IDE: variants seen among roughly 807,000 people sequenced by gnomAD.
IDE encodes the protein insulin degrading enzyme.
IDE carries 58 observed loss-of-function variants against 133.2 expected under a neutral mutation model. That is an observed-to-expected ratio of 0.44 (90% CI 0.35 to 0.54). The LOEUF (loss-of-function observed/expected upper bound fraction) is 0.54. Among genes scored for constraint, IDE ranks in the 20% least tolerant of loss-of-function variants. The probability of loss-of-function intolerance (pLI) is 0.00; values close to 1 mark genes in which losing one functional copy is unlikely to be tolerated. For synonymous variants in IDE, 396 were observed against 421.3 expected (o/e 0.94, Z 0.73); for missense variants, 981 against 1,234.0 (o/e 0.79, Z 3.07).
At chr10:92,494,370 G>GT (rs552537353) in intron 11 of IDE, among the ~76,000 whole-genome samples, 5,876 of 138,354 alleles carry the variant, frequency 0.042, 142 homozygotes, top group Admixed American at 0.068. Context: ...GCCCAGCCCA[G>GT]TTTTTTTTTT....
intron 24 of IDE, among the ~76,000 whole-genome samples, chr10:92,455,032 C>T (rs541834294): frequency 3.3e-5 from 5 of 152,082 alleles, no homozygotes; most frequent in African/African-American, 1.2e-4. Context: ...AGAAATGATC[C>T]ATTGCAAAAT....
chr10:92,549,656 TACTC>T (rs1360750694), intron 1 of IDE, among the ~76,000 whole-genome samples: 1 of 151,560 alleles, frequency 6.6e-6, no homozygotes, highest in Admixed American at 6.6e-5. Flanking sequence ...GCTTACTGAA[TACTC>T]AGTCAGTATC....
chr10:92,524,469 A>AT (rs1849480497), intron 4 of IDE, among the ~76,000 whole-genome samples: 3 of 67,490 alleles, frequency 4.4e-5, no homozygotes, highest in African/African-American at 2.2e-4. Context: ...TATTTTATAT[A>AT]ATATATAATA....
intron 4 of IDE, among the ~76,000 whole-genome samples, chr10:92,529,444 A>G (rs892720798): frequency 1.3e-5 from 2 of 152,204 alleles, no homozygotes. Context: ...AGCTGTTTAT[A>G]TTACCTTGTA....
chr10:92,567,302 T>C (rs372578141), intron 1 of IDE, among the ~76,000 whole-genome samples: 12 of 152,286 alleles, frequency 7.9e-5, no homozygotes, highest in African/African-American at 2.6e-4. Context: ...TTCCCTACCC[T>C]GGTGGCCCCT....
At chr10:92,483,125 C>G in intron 14 of IDE, 130 bp downstream of exon 14, 1 of 601,012 alleles carries the variant, frequency 1.7e-6, no homozygotes, top group Non-Finnish European at 2.9e-6. Flanking sequence ...TTTTCAGCCT[C>G]TCCTTTTCTA....
intron 1 of IDE, among the ~76,000 whole-genome samples, chr10:92,571,859 C>T (rs1024155511): frequency 2.0e-5 from 3 of 152,246 alleles, no homozygotes; most frequent in African/African-American, 7.2e-5. Context: ...TCTGTTAAGA[C>T]ATTCTTCCGA....
intron 1 of IDE, among the ~76,000 whole-genome samples, chr10:92,572,621 A>G (rs1441405251): frequency 6.6e-6 from 1 of 152,076 alleles, no homozygotes; most frequent in Non-Finnish European, 1.5e-5. Flanking sequence ...CCTACCTACT[A>G]CGCATTGGGA....
intron 1 of IDE, among the ~76,000 whole-genome samples, chr10:92,555,478 C>T (rs1228577863): frequency 5.6e-5 from 4 of 71,514 alleles, no homozygotes; most frequent in African/African-American, 2.2e-4. Context: ...GCCTGGGCAA[C>T]AAGAAAAAAA....
At position 92,452,402 on chromosome 10, in the gene IDE, C is replaced by T. The variant is rs1302428005; in HGVS notation, c.*2042G>A. The stretch of plus-strand genomic sequence containing the variant: ...AACTTAGTTCCACAAATCTCATTTA[C>T]TAAGCACTGCGTAAACTGCAGTATC... On this transcript the variant is annotated 3_prime_UTR_variant, in exon 25 of 25. Coordinates refer to ENST00000265986, the MANE Select transcript of IDE (RefSeq NM_004969.4). 6.6e-6 allele frequency: 1 copy of T among 152,210 alleles called. No individual in the cohort carries two copies. The highest frequency in any genetic ancestry group is 1.5e-5 in the Non-Finnish European group (1 of 68,038). 9.4% of individuals were successfully genotyped at this position (152,210 alleles called of 1,614,324 possible). A position where few individuals can be genotyped will look rare whatever the true frequency, so the allele number is the denominator to read the frequency against.
chr10:92,473,399 T>C lies in IDE; in HGVS notation c.2116+1442A>G, dbSNP rs150243582. On this transcript the variant is annotated intron_variant, in intron 17 of 24. Transcript: ENST00000265986. ...CTGAAAGTAATTTCTTTACATTCAATAGGCATTCATTAGATACACACTGAG... is the reference window on the plus strand; with the variant it reads ...CTGAAAGTAATTTCTTTACATTCAACAGGCATTCATTAGATACACACTGAG... Among the ~76,000 whole-genome samples the C allele has an allele frequency of 6.1e-3, 922 of 151,970 alleles. 10 individuals carry two copies. Among genetic ancestry groups the C allele is most frequent in the African/African-American group, 0.021 (863 of 41,440 alleles).
In IDE at chr10:92,489,329, A is replaced by G. The variant is rs544697917; in HGVS notation, c.1533+1164T>C. Among the ~76,000 whole-genome samples the G allele has an allele frequency of 3.3e-5, 5 of 152,248 alleles. No individual in the cohort carries two copies. The East Asian group carries it at 9.6e-4, about 29-fold the overall frequency. ...CACTTTGGGAGGCTGAGGCAGGCGG[A>G]TCACAAGGTCAAGAGATCAAGACCA... On this transcript the variant is annotated intron_variant, in intron 12 of 24. Transcript: ENST00000265986.
At chr10:92,484,310 C>G (rs1326484174) in intron 13 of IDE, among the ~76,000 whole-genome samples, 1 of 152,148 alleles carries the variant, frequency 6.6e-6, no homozygotes, top group Non-Finnish European at 1.5e-5. Flanking sequence ...ACTCAGGAGA[C>G]TGAGGCAGGA....
rs553875974 is a variant in IDE, at chr10:92,499,586, C to A, written c.1430+5208G>T. Among the ~76,000 whole-genome samples the A allele has an allele frequency of 1.2e-4, 18 of 152,094 alleles. No homozygotes were observed. In the South Asian group the frequency reaches 3.5e-3, roughly 30 times the overall value. ...TAGCTGGGACTACAGGCACGTACCA[C>A]CACACCCTGCTAATTTGCATACTTT... On this transcript the variant is annotated intron_variant, in intron 11 of 24. Coordinates refer to ENST00000265986, the MANE Select transcript of IDE (RefSeq NM_004969.4).
intron 1 of IDE, among the ~76,000 whole-genome samples, chr10:92,556,523 C>A (rs889928216): frequency 1.3e-5 from 2 of 151,882 alleles, no homozygotes; most frequent in African/African-American, 4.8e-5. Flanking sequence ...CTTTGGGAGG[C>A]CAAGGCAGGT....
chr10:92,507,537 C>T (rs1848360264), intron 9 of IDE, 38 bp downstream of exon 9: 2 of 1,031,882 alleles, frequency 1.9e-6, no homozygotes, highest in Admixed American at 1.7e-5. Flanking sequence ...TCTTGAAAAA[C>T]AGATTCCTTA....
chr10:92,548,771 C>T (rs1842649310), intron 1 of IDE, among the ~76,000 whole-genome samples: 1 of 152,064 alleles, frequency 6.6e-6, no homozygotes, highest in African/African-American at 2.4e-5. Context: ...ATAATTATCC[C>T]TTTATAATTG....
intron 13 of IDE, 57 bp from the exon 14 acceptor site, chr10:92,483,394 C>A: frequency 2.2e-6 from 2 of 904,526 alleles, no homozygotes; most frequent in South Asian, 2.7e-5. Context: ...CAAAAATGTT[C>A]AATCAAATCA....
In IDE at chr10:92,573,978, G is replaced by A. The variant is rs1464393365; in HGVS notation, c.42C>T (p.Pro14=). The A allele has an allele frequency of 2.0e-6, 3 of 1,507,508 alleles. No individual in the cohort carries two copies. Among genetic ancestry groups the A allele is most frequent in the Non-Finnish European group, 2.7e-6 (3 of 1,130,590 alleles). 93.4% of individuals were successfully genotyped at this position (1,507,508 alleles called of 1,614,324 possible). The change falls in exon 1 of 25, where the codon CCC becomes CCT. Residue 14 remains proline, a synonymous_variant. Coordinates refer to ENST00000265986, the MANE Select transcript of IDE (RefSeq NM_004969.4). ...RLAWLLHPAL[P]STFRSVLGAR... is the part of the protein sequence containing the mutation. ...CGCCGAGGACTGAGCGGAAGGTGCTGGGCAGTGCGGGGTGCAGAAGCCACG... is the reference window on the plus strand; with the variant it reads ...CGCCGAGGACTGAGCGGAAGGTGCTAGGCAGTGCGGGGTGCAGAAGCCACG...
Sources: gnomAD v4.1 joint callset for allele counts (sites outside exome capture counted in the v4.1 genomes callset) on GRCh38, gnomAD v4.1.1 for gene constraint, MANE v1.5 for transcripts, NCBI Gene and HGNC (gene_info 2026-07-23, HGNC 2026-07-21) for gene names.